Variants in SIK3 observed in about 807,000 individuals in gnomAD.
SIK3 encodes the protein serine/threonine-protein kinase SIK3.
Under a neutral mutation model 144.2 loss-of-function variants are expected in SIK3, and 28 were observed. The observed-to-expected ratio is 0.19, with a 90% CI of 0.14 to 0.27. The LOEUF (loss-of-function observed/expected upper bound fraction) is 0.27. Ranked by LOEUF, SIK3 falls within the 10% of genes least tolerant of loss-of-function variation. The pLI, the probability that SIK3 is intolerant of heterozygous loss-of-function variation, is 1.00. For missense variants in SIK3, 1,319 were observed against 1,776.0 expected (o/e 0.74, Z 4.62); for synonymous variants, 686 against 676.3 (o/e 1.01, Z -0.22).
At chr11:117,042,640 G>T (rs1952796995) in intron 1 of SIK3, among the ~76,000 whole-genome samples, 1 of 152,148 alleles carries the variant, frequency 6.6e-6, no homozygotes, top group African/African-American at 2.4e-5. Flanking sequence ...TTTTGCTGTG[G>T]TTTCTCAGTT....
intron 1 of SIK3, among the ~76,000 whole-genome samples, chr11:117,020,972 C>T (rs1412277925): frequency 1.3e-5 from 2 of 152,196 alleles, no homozygotes; most frequent in Non-Finnish European, 2.9e-5. Context: ...TGGGGACAGA[C>T]TTGTGGGACT....
At chr11:117,013,462 G>A (rs568468089) in intron 1 of SIK3, among the ~76,000 whole-genome samples, 2 of 152,234 alleles carry the variant, frequency 1.3e-5, no homozygotes, top group East Asian at 3.9e-4. Context: ...TGGGCGTCAA[G>A]AGTGAAACTC....
intron 1 of SIK3, among the ~76,000 whole-genome samples, chr11:117,089,382 G>A (rs1264017645): frequency 6.6e-6 from 1 of 150,954 alleles, no homozygotes; most frequent in Non-Finnish European, 1.5e-5. Flanking sequence ...ACTCCAGCCT[G>A]GGCAACAGAG....
chr11:116,954,237 A>C, intron 2 of SIK3, 130 bp from the exon 3 acceptor site: 1 of 671,894 alleles, frequency 1.5e-6, no homozygotes, highest in Non-Finnish European at 2.5e-6. Context: ...AATTTAAAAC[A>C]TTTTTGGGGA....
intron 1 of SIK3, among the ~76,000 whole-genome samples, chr11:117,021,948 A>AAAAAAAAAAAAAAAAAAAAAAC (rs1565565731): frequency 6.3e-5 from 8 of 127,914 alleles, no homozygotes; most frequent in African/African-American, 2.7e-4. Flanking sequence ...AAAAAAAAAA[A>AAAAAAAAAAAAAAAAAAAAAAC]AAAAAAAAAA....
intron 16 of SIK3, 56 bp downstream of exon 16, chr11:116,863,612 A>G (rs1289422483): frequency 5.6e-6 from 9 of 1,611,336 alleles, no homozygotes; most frequent in South Asian, 3.3e-5. Context: ...TCCTCCTGCA[A>G]TCCTGGCCTC....
intron 1 of SIK3, among the ~76,000 whole-genome samples, chr11:117,016,490 T>C (rs1951549595): frequency 1.3e-5 from 2 of 151,282 alleles, no homozygotes; most frequent in Non-Finnish European, 2.9e-5. Context: ...AACACAAATA[T>C]GTGCTGAGAT....
Position 116,932,718 on chromosome 11 carries a change from T to G in SIK3, c.455-5338A>C, listed in dbSNP as rs374363821. 5.9e-5 allele frequency among the ~76,000 whole-genome samples: 9 copies of G among 152,330 alleles called. No individual in the cohort carries two copies. In the South Asian group the frequency reaches 1.9e-3, roughly 32 times the overall value. On this transcript the variant is annotated intron_variant, in intron 3 of 24. Transcript: ENST00000445177. The stretch of plus-strand genomic sequence containing the variant: ...CTAGAAACCACTAATCTGTTTCCCA[T>G]TTATGTAATTTCATCATTTTAAGAA...
intron 1 of SIK3, among the ~76,000 whole-genome samples, chr11:117,051,928 G>T (rs1466939922): frequency 6.6e-6 from 1 of 151,962 alleles, no homozygotes; most frequent in African/African-American, 2.4e-5. Flanking sequence ...TGGATCACGA[G>T]GTCAGGAGTT....
At chr11:116,895,159 C>G (rs965979744) in intron 6 of SIK3, among the ~76,000 whole-genome samples, 1 of 152,154 alleles carries the variant, frequency 6.6e-6, no homozygotes, top group African/African-American at 2.4e-5. Flanking sequence ...TCTTCCTCAT[C>G]TCTCACCGCT....
At chr11:117,013,429 G>T (rs1951353509) in intron 1 of SIK3, among the ~76,000 whole-genome samples, 1 of 152,144 alleles carries the variant, frequency 6.6e-6, no homozygotes, top group African/African-American at 2.4e-5. Context: ...AGTGAGCCAA[G>T]CCTGTGCCAC....
chr11:116,907,368 C>A (rs188316032), intron 4 of SIK3, among the ~76,000 whole-genome samples: 110 of 152,274 alleles, frequency 7.2e-4, no homozygotes, highest in Admixed American at 1.2e-3. Flanking sequence ...AAAAATTTGC[C>A]AGGCACAGTG....
At chr11:116,915,741 G>A (rs1277552246) in intron 4 of SIK3, among the ~76,000 whole-genome samples, 1 of 152,128 alleles carries the variant, frequency 6.6e-6, no homozygotes, top group Non-Finnish European at 1.5e-5. Context: ...TCATGAATTT[G>A]GTGAAGGTTG....
At chr11:116,887,245 TAAAAA>T (rs5795056) in intron 6 of SIK3, among the ~76,000 whole-genome samples, 3 of 103,640 alleles carry the variant, frequency 2.9e-5, no homozygotes, top group Admixed American at 1.0e-4. Flanking sequence ...GTCTCTACAC[TAAAAA>T]AAAAAAAAAA....
intron 1 of SIK3, among the ~76,000 whole-genome samples, chr11:117,081,269 G>T (rs924755516): frequency 6.6e-6 from 1 of 152,156 alleles, no homozygotes; most frequent in Non-Finnish European, 1.5e-5. Context: ...TGTAAGGTTT[G>T]ATTATTTTGT....
intron 1 of SIK3, among the ~76,000 whole-genome samples, chr11:117,050,643 C>T (rs1409938193): frequency 1.3e-5 from 2 of 152,024 alleles, no homozygotes; most frequent in Non-Finnish European, 2.9e-5. Flanking sequence ...GCCGAGATCA[C>T]ACCACTGCAC....
intron 1 of SIK3, among the ~76,000 whole-genome samples, chr11:116,997,113 G>T (rs1431791558): frequency 2.0e-5 from 3 of 152,044 alleles, no homozygotes; most frequent in Admixed American, 6.6e-5. Context: ...CAAGATTCAG[G>T]GGAACCACTG....
chr11:116,893,676 A>G (rs1367982894), intron 6 of SIK3, among the ~76,000 whole-genome samples: 2 of 151,698 alleles, frequency 1.3e-5, no homozygotes, highest in Non-Finnish European at 2.9e-5. Context: ...GTCCCAAAAA[A>G]GGGAGTTAGG....
intron 1 of SIK3, among the ~76,000 whole-genome samples, chr11:117,070,752 C>CT (rs368884148): frequency 0.02 from 2,556 of 128,118 alleles, 87 homozygotes; most frequent in African/African-American, 0.064. Context: ...GGCCCTTTTT[C>CT]TTTTTTTTTT....
Sources: gnomAD v4.1 joint callset for allele counts (sites outside exome capture counted in the v4.1 genomes callset) on GRCh38, gnomAD v4.1.1 for gene constraint, MANE v1.5 for transcripts, NCBI Gene and HGNC (gene_info 2026-07-23, HGNC 2026-07-21) for gene names.